TSPAN3: variants seen among roughly 807,000 people sequenced by gnomAD.
The protein encoded by TSPAN3 is tetraspanin 3.
A neutral mutation model predicts 31.1 loss-of-function variants in TSPAN3; 9 were observed. The ratio of observed to expected loss-of-function variants is 0.29; its 90% CI spans 0.17 to 0.50. TSPAN3 has a LOEUF of 0.50. TSPAN3 is among the 20% of genes least tolerant of loss of function. The pLI is 0.98. For missense variants in TSPAN3, 252 were observed against 313.5 expected, an observed-to-expected ratio of 0.80 and a Z score of 1.48; for synonymous variants, 129 against 114.3, an observed-to-expected ratio of 1.13 and a Z score of -0.82.
intron 1 of TSPAN3, chr15:77,063,449 G>A (rs1179812072): frequency 2.0e-5 from 3 of 151,818 alleles, no homozygotes; most frequent in South Asian, 4.1e-4. Flanking sequence ...CTTCCCTCAG[G>A]GGATCCTCTC....
rs1369662806 is a variant in TSPAN3 at position 77,042,163 on chromosome 15, A to G, written c.*4672T>C. The stretch of plus-strand genomic sequence containing the variant: ...AAGCAAAAACCAAAACCCAATACCA[A>G]GTCTGTTTCTGTGTATGTAGTCTGC... On this transcript the variant is annotated 3_prime_UTR_variant, in exon 7 of 7. Transcript: ENST00000267970. The G allele has an allele frequency of 6.6e-6, 1 of 152,222 alleles. No individual in the cohort carries two copies. The highest frequency in any genetic ancestry group is 2.4e-5 in the African/African-American group (1 of 41,458). 9.4% of individuals were successfully genotyped at this position (152,222 alleles called of 1,614,324 possible).
chr15:77,068,935 T>C (rs1293657387), intron 1 of TSPAN3, among the ~76,000 whole-genome samples: 5 of 152,238 alleles, frequency 3.3e-5, no homozygotes, highest in African/African-American at 1.2e-4. Flanking sequence ...TGAACGGTGC[T>C]GCAGTGAATA....
chr15:77,055,054 A>G (rs943650226), intron 3 of TSPAN3: 2 of 152,234 alleles, frequency 1.3e-5, no homozygotes, highest in Non-Finnish European at 2.9e-5. Flanking sequence ...ACAGCTTTAC[A>G]GTACCTTACG....
chr15:77,069,472 C>G (rs114225309), intron 1 of TSPAN3, among the ~76,000 whole-genome samples: 1 of 151,998 alleles, frequency 6.6e-6, no homozygotes, highest in East Asian at 1.9e-4. Context: ...AATAAATAAG[C>G]CTGTAACTCA....
chr15:77,065,992 T>C (rs749384445), intron 1 of TSPAN3, among the ~76,000 whole-genome samples: 9 of 152,224 alleles, frequency 5.9e-5, no homozygotes, highest in Admixed American at 3.3e-4. Flanking sequence ...CAAAGCTTTC[T>C]GTTCCAGTCC....
chr15:77,056,991 G>C (rs533670274), intron 1 of TSPAN3, among the ~76,000 whole-genome samples: 1 of 152,250 alleles, frequency 6.6e-6, no homozygotes, highest in Non-Finnish European at 1.5e-5. Flanking sequence ...TGCTGGTGCA[G>C]CTTCTTCTTG....
intron 3 of TSPAN3, chr15:77,055,081 A>G (rs2076759850): frequency 6.6e-6 from 1 of 152,196 alleles, no homozygotes; most frequent in African/African-American, 2.4e-5. Context: ...TGATCTGAAA[A>G]TTAACTTGGC....
intron 1 of TSPAN3, among the ~76,000 whole-genome samples, chr15:77,069,445 A>AAAAAT (rs1329690846): frequency 1.3e-5 from 2 of 152,182 alleles, no homozygotes; most frequent in Non-Finnish European, 2.9e-5. Flanking sequence ...AAGAAACTGA[A>AAAAAT]AAAATAAAAT....
chr15:77,049,826 C>T (rs1260832015), intron 6 of TSPAN3, among the ~76,000 whole-genome samples: 1 of 152,180 alleles, frequency 6.6e-6, no homozygotes, highest in Non-Finnish European at 1.5e-5. Context: ...TGTAACTACT[C>T]AACTCTGCCA....
At position 77,044,152 on chromosome 15, in the gene TSPAN3, C is replaced by T. The variant is rs1047964346; in HGVS notation, c.*2683G>A. On this transcript the variant is annotated 3_prime_UTR_variant, in exon 7 of 7. Transcript: ENST00000267970. Reference sequence around the variant, plus strand: ...CTCAACCAGGGCTGTGTCCTGGACACACCCTAGAGCACCTTAGATGCTCTG... The same window carrying T: ...CTCAACCAGGGCTGTGTCCTGGACATACCCTAGAGCACCTTAGATGCTCTG... 1 of 152,210 alleles carries T rather than the reference C, an allele frequency of 6.6e-6. No individual in the cohort carries two copies. Among genetic ancestry groups the T allele is most frequent in the African/African-American group, 2.4e-5 (1 of 41,442 alleles). 9.4% of individuals were successfully genotyped at this position (152,210 alleles called of 1,614,324 possible). A position where few individuals can be genotyped will look rare whatever the true frequency, so the allele number is the denominator to read the frequency against.
intron 4 of TSPAN3, among the ~76,000 whole-genome samples, chr15:77,053,259 G>A (rs1035389330): frequency 6.6e-6 from 1 of 151,798 alleles, no homozygotes; most frequent in African/African-American, 2.4e-5. Context: ...ACTTTGGGAG[G>A]CCGAGATGGG....
At chr15:77,052,298 T>C in intron 6 of TSPAN3, 87 bp downstream of exon 6, 1 of 1,150,618 alleles carries the variant, frequency 8.7e-7, no homozygotes, top group Non-Finnish European at 1.3e-6. Flanking sequence ...TACACAAAGA[T>C]TCACTGTGAT....
At chr15:77,060,035 G>T (rs1398106740) in intron 1 of TSPAN3, among the ~76,000 whole-genome samples, 1 of 152,166 alleles carries the variant, frequency 6.6e-6, no homozygotes, top group Admixed American at 6.5e-5. Context: ...TGCAATGGAG[G>T]GCTGTGGGGA....
rs1191883180 is a variant in TSPAN3 at position 77,041,888 on chromosome 15, ATTG to A, written c.*4944_*4946del. 6.6e-6 allele frequency: 1 copy of A among 152,230 alleles called. No homozygotes were observed. Among genetic ancestry groups the A allele is most frequent in the Non-Finnish European group, 1.5e-5 (1 of 68,042 alleles). 9.4% of individuals were successfully genotyped at this position (152,230 alleles called of 1,614,324 possible). ...CCATGTGAATTGCATCTCAATAAAAATTGTTTTCATTTTAAAAATTGTAAATGA... is the reference window on the plus strand; with the variant it reads ...CCATGTGAATTGCATCTCAATAAAAATTTTCATTTTAAAAATTGTAAATGA... On this transcript the variant is annotated 3_prime_UTR_variant, in exon 7 of 7. Transcript: ENST00000267970.
At chr15:77,057,502 GAA>G (rs1299000523) in intron 1 of TSPAN3, among the ~76,000 whole-genome samples, 2 of 152,114 alleles carry the variant, frequency 1.3e-5, no homozygotes, top group African/African-American at 2.4e-5. Flanking sequence ...AGATGAGGAA[GAA>G]AAAGACTCCA....
chr15:77,056,702 C>T (rs142977676), intron 1 of TSPAN3, among the ~76,000 whole-genome samples: 2 of 152,268 alleles, frequency 1.3e-5, no homozygotes, highest in Non-Finnish European at 2.9e-5. Context: ...CTTCTAATCT[C>T]TATCTACCCC....
intron 1 of TSPAN3, among the ~76,000 whole-genome samples, chr15:77,066,131 G>A (rs1316101741): frequency 6.6e-6 from 1 of 152,128 alleles, no homozygotes; most frequent in Non-Finnish European, 1.5e-5. Flanking sequence ...TAATTTACCG[G>A]AATAAAAACT....
chr15:77,063,162 A>C (rs976022040), intron 1 of TSPAN3, among the ~76,000 whole-genome samples: 10 of 152,144 alleles, frequency 6.6e-5, no homozygotes, highest in Admixed American at 3.9e-4. Context: ...CACCTCTGCC[A>C]ATCTCTCCCA....
Position 77,070,989 on chromosome 15 carries a change from G to T in TSPAN3, c.-35C>A. ...GGCCCGCGAAGGCCCGGCCCGGAGA[G>T]CGGGGCTGCGCTCACCGAGAGAGCG... On this transcript the variant is annotated 5_prime_UTR_variant, in exon 1 of 7. Coordinates refer to ENST00000267970, the MANE Select transcript of TSPAN3 (RefSeq NM_005724.6). 4 of 1,375,662 alleles carry T rather than the reference G, an allele frequency of 2.9e-6. No individual in the cohort carries two copies. In the South Asian group the frequency reaches 6.3e-5, roughly 22 times the overall value. The allele number at this position is 1,375,662 out of a possible 1,614,324, so 85.2% of individuals were successfully genotyped here. A position where few individuals can be genotyped will look rare whatever the true frequency, so the allele number is the denominator to read the frequency against.
Sources: gnomAD v4.1 joint callset for allele counts (sites outside exome capture counted in the v4.1 genomes callset) on GRCh38, gnomAD v4.1.1 for gene constraint, MANE v1.5 for transcripts, NCBI Gene and HGNC (gene_info 2026-07-23, HGNC 2026-07-21) for gene names.